SLC3A1: variants seen among roughly 807,000 people sequenced by gnomAD.
SLC3A1 encodes the protein amino acid transporter heavy chain SLC3A1.
A neutral mutation model predicts 60.3 loss-of-function variants in SLC3A1; 78 were observed. The ratio of observed to expected loss-of-function variants is 1.29; its 90% CI spans 1.08 to 1.56. The LOEUF (loss-of-function observed/expected upper bound fraction) is 1.56. Among genes scored for constraint, SLC3A1 ranks in the 40% most tolerant of loss-of-function variants. The pLI is 0.00. For missense variants in SLC3A1, 1,172 were observed against 858.9 expected, an observed-to-expected ratio of 1.36 and a Z score of -4.56; for synonymous variants, 392 against 307.9, an observed-to-expected ratio of 1.27 and a Z score of -2.86.
chr2:44,293,479 T>G (rs1009439811), intron 4 of SLC3A1, among the ~76,000 whole-genome samples: 5 of 151,496 alleles, frequency 3.3e-5, no homozygotes, highest in African/African-American at 1.2e-4. Flanking sequence ...ATCATGCCAC[T>G]GCACTCCAGC....
chr2:44,312,620 G>T lies in SLC3A1; in HGVS notation c.1367G>T (p.Arg456Leu), dbSNP rs373852467. The T allele has an allele frequency of 1.2e-6, 2 of 1,613,990 alleles. No individual in the cohort carries two copies. Among genetic ancestry groups the T allele is most frequent in the South Asian group, 1.1e-5 (1 of 91,076 alleles). ...CCAGACAGTTCACGGCTGACTTCGC[G>T]TTTGGGGAATCAGTATGTCAACGTG... ...GGPDSSRLTS[R>L]LGNQYVNVMN... Residue 456 changes from arginine to leucine, a missense_variant, in exon 8 of 10, where the codon CGT (arginine) becomes CTT (leucine). By Grantham distance (102) the Arg-to-Leu change is moderately radical. Transcript: ENST00000260649.
At chr2:44,301,325 C>G (rs1269026531) in intron 6 of SLC3A1, 198 bp downstream of exon 6, 1 of 700,790 alleles carries the variant, frequency 1.4e-6, no homozygotes, top group Non-Finnish European at 2.5e-6. Flanking sequence ...TCAGTTTCCT[C>G]TTTTGTAAAA....
At chr2:44,278,166 C>T (rs773892985) in intron 1 of SLC3A1, among the ~76,000 whole-genome samples, 23 of 152,160 alleles carry the variant, frequency 1.5e-4, no homozygotes, top group Admixed American at 2.6e-4. Context: ...CCTGTCAGGC[C>T]AGGCGTGGTG....
chr2:44,297,222 A>C (rs1671873906), intron 4 of SLC3A1, among the ~76,000 whole-genome samples: 1 of 152,204 alleles, frequency 6.6e-6, no homozygotes, highest in Non-Finnish European at 1.5e-5. Flanking sequence ...AAGGGATGAG[A>C]AAAGTAGGGA....
rs1215068581 is a variant in SLC3A1 at position 44,305,762 on chromosome 2, C to A, written c.1332+1424C>A. On this transcript the variant is annotated intron_variant, in intron 7 of 9. Coordinates refer to ENST00000260649, the MANE Select transcript of SLC3A1 (RefSeq NM_000341.4). ...CTTTAATATATTATAAATGTAAACT[C>A]TAAAATGCCTCTTTAGTCTCGATAA... 3.9e-5 allele frequency among the ~76,000 whole-genome samples: 6 copies of A among 152,142 alleles called. No individual in the cohort carries two copies. In the East Asian group the frequency reaches 7.7e-4, roughly 20 times the overall value.
rs540431681 is a variant in SLC3A1 at position 44,279,853 on chromosome 2, A to C, written c.431-863A>C. Among the ~76,000 whole-genome samples the C allele has an allele frequency of 1.4e-3, 208 of 152,210 alleles. 1 individual carries two copies. Among genetic ancestry groups the C allele is most frequent in the African/African-American group, 4.8e-3 (200 of 41,520 alleles). On this transcript the variant is annotated intron_variant, in intron 1 of 9. Transcript: ENST00000260649. The stretch of plus-strand genomic sequence containing the variant: ...GCTGGGATTACAGGCACGTGCCACC[A>C]TGCCCGGCCCAGTATAAAAATATTA...
Position 44,286,234 on chromosome 2 carries a change from G to A in SLC3A1, c.891+77G>A. ...TATTTAAAACACTTTATATTGCACA[G>A]TAATTGTGTAGGCAAAATCAAGTCT... On this transcript the variant is annotated intron_variant, in intron 4 of 9. Coordinates refer to ENST00000260649, the MANE Select transcript of SLC3A1 (RefSeq NM_000341.4). The A allele has an allele frequency of 2.1e-6, 3 of 1,397,318 alleles. No homozygotes were observed. The Admixed American group carries it at 5.1e-5, about 24-fold the overall frequency. The allele number at this position is 1,397,318 out of a possible 1,614,324, so 86.6% of individuals were successfully genotyped here.
At chr2:44,309,084 T>G (rs565506313) in intron 7 of SLC3A1, among the ~76,000 whole-genome samples, 3 of 152,362 alleles carry the variant, frequency 2.0e-5, no homozygotes, top group South Asian at 2.1e-4. Flanking sequence ...TAAAACAATT[T>G]TAAACATTCA....
intron 4 of SLC3A1, among the ~76,000 whole-genome samples, chr2:44,292,126 G>A (rs1671752974): frequency 6.6e-6 from 1 of 152,150 alleles, no homozygotes; most frequent in Non-Finnish European, 1.5e-5. Context: ...GCATGGCAAG[G>A]AAGAGACTCC....
intron 7 of SLC3A1, among the ~76,000 whole-genome samples, chr2:44,311,633 C>G (rs1672299839): frequency 6.6e-6 from 1 of 151,750 alleles, no homozygotes. Flanking sequence ...AAAAATTGAC[C>G]TAATTTTCTG....
In SLC3A1 at chr2:44,275,618, A is replaced by T; in HGVS notation, c.83A>T (p.Glu28Val). ...CQTNNGFVHN[E>V]DILEQTPDPG... is the part of the protein sequence containing the mutation. ...ACAAACAACGGGTTTGTCCATAATG[A>T]AGACATTCTGGAGCAGACCCCGGAT... is the stretch of plus-strand genomic sequence containing the variant. The change falls in exon 1 of 10, where the codon GAA (glutamate) becomes GTA (valine). Residue 28 changes from glutamate (E) to valine (V), a missense_variant. Coordinates refer to ENST00000260649, the MANE Select transcript of SLC3A1 (RefSeq NM_000341.4). 6.2e-7 allele frequency: 1 copy of T among 1,613,960 alleles called. No homozygotes were observed. Among genetic ancestry groups the T allele is most frequent in the Non-Finnish European group, 8.5e-7 (1 of 1,179,828 alleles).
rs374570129 is a variant in SLC3A1 at position 44,297,984 on chromosome 2, G to C, written c.892-1987G>C. ...TGGCCAAATATTCATCGTATGGATA[G>C]ACCATTGGGTTGTTTCCACTTTCTG... is the stretch of plus-strand genomic sequence containing the variant. On this transcript the variant is annotated intron_variant, in intron 4 of 9. Transcript: ENST00000260649. Among the ~76,000 whole-genome samples the C allele has an allele frequency of 3.3e-5, 5 of 152,190 alleles. 1 individual carries two copies. In the South Asian group the frequency reaches 6.2e-4, roughly 19 times the overall value.
rs1035647938 is a variant in SLC3A1, at chr2:44,321,236, A to G, written c.*597A>G. 16 of 898,804 alleles carry G rather than the reference A, an allele frequency of 1.8e-5. No homozygotes were observed. In the African/African-American group the frequency reaches 2.4e-4, roughly 13 times the overall value. The allele number at this position is 898,804 out of a possible 1,614,324, so 55.7% of individuals were successfully genotyped here. ...AAGCAAAATTTAGATGGAGAAGCAC[A>G]TTTTAAAAAATTAATAACTTAAAAG... is the stretch of plus-strand genomic sequence containing the variant. On this transcript the variant is annotated 3_prime_UTR_variant, in exon 10 of 10. Coordinates refer to ENST00000260649, the MANE Select transcript of SLC3A1 (RefSeq NM_000341.4).
In SLC3A1 at chr2:44,275,744, A is replaced by C; in HGVS notation, c.209A>C (p.Lys70Thr). 1 of 1,614,228 alleles carries C rather than the reference A, an allele frequency of 6.2e-7. No individual in the cohort carries two copies. Among genetic ancestry groups the C allele is most frequent in the South Asian group, 1.1e-5 (1 of 91,090 alleles). Residue 70 changes from lysine (K) to threonine (T), a missense_variant, in exon 1 of 10, where the codon AAG (lysine) becomes ACG (threonine). Coordinates refer to ENST00000260649, the MANE Select transcript of SLC3A1 (RefSeq NM_000341.4). Reference sequence around the variant, plus strand: ...GTCCAGCCCTATGCGGGGATGCCCAAGGAGGTGCTGTTCCAGTTCTCTGGC... The same window carrying C: ...GTCCAGCCCTATGCGGGGATGCCCACGGAGGTGCTGTTCCAGTTCTCTGGC... ...KGVQPYAGMP[K>T]EVLFQFSGQA...
rs1022077340 is a variant in SLC3A1 at position 44,300,109 on chromosome 2, C to G, written c.1011+19C>G. ...AATCCCGGTAAAGTTTTATTTTAAA[C>G]GTTTTTCTTTTGCCTTTTCTGAAAA... On this transcript the variant is annotated intron_variant, in intron 5 of 9. Transcript: ENST00000260649. 6 of 1,612,880 alleles carry G rather than the reference C, an allele frequency of 3.7e-6. No homozygotes were observed. In the African/African-American group the frequency reaches 5.3e-5, roughly 14 times the overall value.
intron 5 of SLC3A1, 49 bp downstream of exon 5, chr2:44,300,139 A>G (rs1355171370): frequency 6.3e-7 from 1 of 1,596,514 alleles, no homozygotes. Context: ...TGAAAATGTC[A>G]TCAGAGTGTT....
intron 7 of SLC3A1, among the ~76,000 whole-genome samples, chr2:44,309,261 CTA>C: frequency 6.6e-6 from 1 of 152,166 alleles, no homozygotes; most frequent in Non-Finnish European, 1.5e-5. Flanking sequence ...TTTTCAGCCT[CTA>C]TAAATTTGCC....
At chr2:44,300,471 GATT>G (rs1442208472) in intron 5 of SLC3A1, among the ~76,000 whole-genome samples, 6 of 152,112 alleles carry the variant, frequency 3.9e-5, no homozygotes, top group Non-Finnish European at 8.8e-5. Flanking sequence ...GATTCTAGGA[GATT>G]ATTGTCATCC....
chr2:44,290,041 A>G (rs1671707021), intron 4 of SLC3A1, among the ~76,000 whole-genome samples: 1 of 151,490 alleles, frequency 6.6e-6, no homozygotes, highest in Non-Finnish European at 1.5e-5. Context: ...TCTCAGTTTC[A>G]CAGTTTTAGT....
Sources: allele counts gnomAD v4.1 joint callset (sites outside exome capture counted in the v4.1 genomes callset), GRCh38; gene constraint gnomAD v4.1.1; transcripts MANE v1.5; gene names NCBI Gene and HGNC (gene_info 2026-07-23, HGNC 2026-07-21).